TMEM135: variants seen among roughly 807,000 people sequenced by gnomAD.
TMEM135 encodes peroxisomal membrane protein 52.
A neutral mutation model predicts 60.3 loss-of-function variants in TMEM135; 30 were observed. The observed-to-expected ratio is 0.50, with a 90% CI of 0.37 to 0.68. The LOEUF (loss-of-function observed/expected upper bound fraction) is 0.68, where lower values mean the gene tolerates loss of function less well. Ranked by LOEUF, TMEM135 falls within the 30% of genes least tolerant of loss-of-function variation. TMEM135 has a pLI of 0.00. For synonymous variants in TMEM135, 190 were observed against 186.7 expected, an observed-to-expected ratio of 1.02 and a Z score of -0.14; for missense variants, 468 against 548.8, an observed-to-expected ratio of 0.85 and a Z score of 1.47.
At chr11:87,159,240 AG>A (rs1471139182) in intron 5 of TMEM135, among the ~76,000 whole-genome samples, 22 of 152,196 alleles carry the variant, frequency 1.4e-4, no homozygotes, top group African/African-American at 4.8e-4. Context: ...TGAGGTTAAA[AG>A]TGTAAGATGT....
intron 5 of TMEM135, among the ~76,000 whole-genome samples, chr11:87,203,206 T>C (rs1374604519): frequency 6.6e-6 from 1 of 152,078 alleles, no homozygotes; most frequent in East Asian, 1.9e-4. Flanking sequence ...ATTGACACAT[T>C]ATCATTACTC....
intron 5 of TMEM135, among the ~76,000 whole-genome samples, chr11:87,180,987 C>G (rs76873504): frequency 2.0e-5 from 3 of 152,136 alleles, no homozygotes; most frequent in Admixed American, 2.0e-4. Flanking sequence ...AATGCCATTC[C>G]TAAGATGACC....
At chr11:87,049,855 C>G (rs1244806230) in intron 1 of TMEM135, among the ~76,000 whole-genome samples, 10 of 114,976 alleles carry the variant, frequency 8.7e-5, no homozygotes, top group East Asian at 2.7e-4. Flanking sequence ...CAAATCAACA[C>G]AATATACATT....
At chr11:87,099,682 G>GCTTTTTTT (rs1857409100) in intron 4 of TMEM135, among the ~76,000 whole-genome samples, 1 of 109,386 alleles carries the variant, frequency 9.1e-6, no homozygotes, top group Non-Finnish European at 1.8e-5. Flanking sequence ...TTTCATGGTG[G>GCTTTTTTT]TTTTTTTTTT....
intron 4 of TMEM135, among the ~76,000 whole-genome samples, chr11:87,122,462 T>TATTTATTTATTTATTTATTA (rs1411807673): frequency 6.7e-6 from 1 of 150,106 alleles, no homozygotes; most frequent in African/African-American, 2.4e-5. Context: ...TTTATTTATT[T>TATTTATTTATTTATTTATTA]ATTATTTATT....
intron 1 of TMEM135, among the ~76,000 whole-genome samples, chr11:87,053,670 G>A (rs1949863921): frequency 1.3e-5 from 2 of 152,120 alleles, no homozygotes; most frequent in Non-Finnish European, 2.9e-5. Context: ...GACTTAAACT[G>A]GGCACATAGA....
At chr11:87,071,658 C>T (rs962968789) in intron 3 of TMEM135, 43 bp downstream of exon 3, 4 of 1,463,710 alleles carry the variant, frequency 2.7e-6, no homozygotes, top group Admixed American at 2.0e-5. Context: ...ATTACCTGTC[C>T]CCTACCCCAA....
At chr11:87,287,363 G>GC (rs751386383) in intron 6 of TMEM135, among the ~76,000 whole-genome samples, 1 of 152,166 alleles carries the variant, frequency 6.6e-6, no homozygotes, top group African/African-American at 2.4e-5. Context: ...ACTCTGAAGT[G>GC]CCCCAATTGA....
chr11:87,176,608 T>C (rs1364938377), intron 5 of TMEM135, among the ~76,000 whole-genome samples: 8 of 152,208 alleles, frequency 5.3e-5, no homozygotes, highest in African/African-American at 1.9e-4. Flanking sequence ...TAGGAGATTG[T>C]ACAAATTTCC....
intron 4 of TMEM135, among the ~76,000 whole-genome samples, chr11:87,104,321 G>C (rs1857539796): frequency 6.6e-6 from 1 of 152,114 alleles, no homozygotes; most frequent in Non-Finnish European, 1.5e-5. Flanking sequence ...GTACAATGCT[G>C]TTTTGATTAA....
intron 5 of TMEM135, among the ~76,000 whole-genome samples, chr11:87,221,369 T>C (rs931057506): frequency 6.6e-6 from 1 of 152,186 alleles, no homozygotes; most frequent in African/African-American, 2.4e-5. Flanking sequence ...GGTAAGAGGA[T>C]TCCAAAGGGG....
At chr11:87,244,429 C>T (rs1412453181) in intron 6 of TMEM135, among the ~76,000 whole-genome samples, 2 of 82,746 alleles carry the variant, frequency 2.4e-5, no homozygotes, top group African/African-American at 4.6e-5. Flanking sequence ...AGGAATGGTA[C>T]CAGTTCCTCC....
intron 5 of TMEM135, among the ~76,000 whole-genome samples, chr11:87,216,287 G>C (rs1361522756): frequency 1.3e-5 from 2 of 152,000 alleles, no homozygotes; most frequent in African/African-American, 4.8e-5. Context: ...CTTGAGAGTA[G>C]ACCTAAGATA....
intron 5 of TMEM135, among the ~76,000 whole-genome samples, chr11:87,205,262 T>C (rs1854361684): frequency 6.6e-6 from 1 of 152,312 alleles, no homozygotes; most frequent in South Asian, 2.1e-4. Context: ...TTATGGAATA[T>C]TCTGAGATTA....
intron 6 of TMEM135, among the ~76,000 whole-genome samples, chr11:87,251,533 G>A (rs369356867): frequency 2.0e-5 from 3 of 151,964 alleles, no homozygotes; most frequent in East Asian, 1.9e-4. Flanking sequence ...GATTGAATAC[G>A]ACACATTGTC....
intron 5 of TMEM135, among the ~76,000 whole-genome samples, chr11:87,195,596 G>A (rs1454425242): frequency 1.3e-5 from 2 of 151,970 alleles, no homozygotes; most frequent in African/African-American, 2.4e-5. Flanking sequence ...TTTTAGTAAA[G>A]ACGGGGTTTC....
At chr11:87,240,376 A>T (rs573883614) in intron 6 of TMEM135, among the ~76,000 whole-genome samples, 1 of 152,064 alleles carries the variant, frequency 6.6e-6, no homozygotes, top group African/African-American at 2.4e-5. Context: ...GATTTTGGCC[A>T]AGCAGAAGTC....
intron 4 of TMEM135, among the ~76,000 whole-genome samples, chr11:87,128,611 A>G (rs1300396130): frequency 6.6e-6 from 1 of 152,206 alleles, no homozygotes. Context: ...CTGTTTTGTT[A>G]ACTCTAAGAA....
At chr11:87,047,574 G>A (rs1949808814) in intron 1 of TMEM135, among the ~76,000 whole-genome samples, 2 of 77,720 alleles carry the variant, frequency 2.6e-5, no homozygotes, top group Admixed American at 1.2e-4. Flanking sequence ...TGGAAAATCG[G>A]GTCACTCCCA....
Sources: allele counts gnomAD v4.1 joint callset (sites outside exome capture counted in the v4.1 genomes callset), GRCh38; gene constraint gnomAD v4.1.1; transcripts MANE v1.5; gene names NCBI Gene and HGNC (gene_info 2026-07-23, HGNC 2026-07-21).